CNBD1: variants seen among roughly 807,000 people sequenced by gnomAD.
The protein encoded by CNBD1 is cyclic nucleotide binding domain containing 1.
CNBD1 carries 71 observed loss-of-function variants against 54.4 expected under a neutral mutation model. That is an observed-to-expected ratio of 1.30 (90% CI 1.08 to 1.59). The LOEUF (loss-of-function observed/expected upper bound fraction) is 1.59, where lower values mean the gene tolerates loss of function less well. Ranked by LOEUF, CNBD1 falls within the 40% of genes most tolerant of loss-of-function variation. The pLI is 0.00. For missense variants in CNBD1, 659 were observed against 518.0 expected (o/e 1.27, Z -2.64); for synonymous variants, 182 against 170.7 (o/e 1.07, Z -0.51).
At chr8:86,902,326 T>A (rs1467322731) in intron 2 of CNBD1, among the ~76,000 whole-genome samples, 1 of 152,018 alleles carries the variant, frequency 6.6e-6, no homozygotes. Context: ...TCCATAGCAG[T>A]TATTAACATT....
chr8:86,954,383 G>A (rs1261597105), intron 4 of CNBD1, among the ~76,000 whole-genome samples: 1 of 152,052 alleles, frequency 6.6e-6, no homozygotes, highest in Non-Finnish European at 1.5e-5. Flanking sequence ...ACCTTGTTGT[G>A]TTTTTATTTT....
At chr8:87,119,851 G>C (rs747176540) in intron 4 of CNBD1, among the ~76,000 whole-genome samples, 1 of 151,766 alleles carries the variant, frequency 6.6e-6, no homozygotes, top group Admixed American at 6.6e-5. Context: ...TATGGTTTTT[G>C]TCCATTTTGT....
At chr8:87,094,485 A>T (rs1811279918) in intron 4 of CNBD1, among the ~76,000 whole-genome samples, 1 of 151,262 alleles carries the variant, frequency 6.6e-6, no homozygotes, top group African/African-American at 2.4e-5. Flanking sequence ...TAGCATATGA[A>T]CTAAAAAATA....
chr8:87,152,766 T>C (rs1437396650), intron 4 of CNBD1, among the ~76,000 whole-genome samples: 3 of 152,274 alleles, frequency 2.0e-5, no homozygotes, highest in African/African-American at 7.2e-5. Context: ...AGTAAAAATT[T>C]ATCAGTTTTA....
chr8:87,096,225 G>T (rs773950359), intron 4 of CNBD1, among the ~76,000 whole-genome samples: 21 of 152,120 alleles, frequency 1.4e-4, no homozygotes, highest in Non-Finnish European at 2.9e-4. Context: ...CTGGAGACTG[G>T]GAAGTTTAAG....
chr8:87,310,230 G>A (rs548202117), intron 8 of CNBD1, among the ~76,000 whole-genome samples: 20 of 152,098 alleles, frequency 1.3e-4, no homozygotes, highest in Admixed American at 2.6e-4. Flanking sequence ...GGTGGCACAT[G>A]CTATAGTCCC....
At chr8:86,996,013 C>A (rs567029427) in intron 4 of CNBD1, among the ~76,000 whole-genome samples, 1 of 152,240 alleles carries the variant, frequency 6.6e-6, no homozygotes, top group African/African-American at 2.4e-5. Flanking sequence ...ACTTATACCC[C>A]CAGTCTAATT....
At chr8:87,165,330 C>G (rs936252085) in intron 4 of CNBD1, among the ~76,000 whole-genome samples, 11 of 151,906 alleles carry the variant, frequency 7.2e-5, no homozygotes, top group Non-Finnish European at 1.5e-4. Flanking sequence ...CCTGAAAGAT[C>G]TATCTAATAG....
At chr8:87,035,949 G>A (rs1809930251) in intron 4 of CNBD1, among the ~76,000 whole-genome samples, 2 of 152,178 alleles carry the variant, frequency 1.3e-5, no homozygotes, top group South Asian at 4.1e-4. Context: ...TGCCTTTTAA[G>A]GAAGATGCTG....
chr8:86,890,687 A>G (rs968937246), intron 2 of CNBD1, among the ~76,000 whole-genome samples: 4 of 152,158 alleles, frequency 2.6e-5, no homozygotes, highest in South Asian at 4.1e-4. Flanking sequence ...TGGCTGTACT[A>G]TTTTACATTC....
Position 87,346,895 on chromosome 8 carries a change from T to A in CNBD1, c.1043-4790T>A, listed in dbSNP as rs1317753743. ...TTATTGCCTCACAGGTGGTATGGAC[T>A]CTAGCCCCAATATCATGAGTGAGAA... On this transcript the variant is annotated intron_variant, in intron 8 of 10. Coordinates refer to ENST00000518476, the MANE Select transcript of CNBD1 (RefSeq NM_173538.3). Among the ~76,000 whole-genome samples the A allele has an allele frequency of 4.6e-5, 7 of 152,202 alleles. No homozygotes were observed. In the East Asian group the frequency reaches 1.3e-3, roughly 29 times the overall value.
intron 8 of CNBD1, among the ~76,000 whole-genome samples, chr8:87,329,693 TC>T (rs2130908786): frequency 6.6e-6 from 1 of 152,166 alleles, no homozygotes; most frequent in East Asian, 1.9e-4. Flanking sequence ...AATTTGAAAT[TC>T]CATTTGTTTG....
intron 6 of CNBD1, among the ~76,000 whole-genome samples, chr8:87,256,014 TA>T (rs1163181182): frequency 7.0e-4 from 13 of 18,458 alleles, no homozygotes; most frequent in African/African-American, 2.4e-3. Context: ...TATATATATA[TA>T]TTTTTTTTTT....
intron 4 of CNBD1, among the ~76,000 whole-genome samples, chr8:87,191,508 T>C (rs1813609633): frequency 6.6e-6 from 1 of 152,182 alleles, no homozygotes; most frequent in South Asian, 2.1e-4. Flanking sequence ...CATTGCTCGA[T>C]GCAGTCAAGT....
chr8:87,329,801 A>G (rs970267763), intron 8 of CNBD1, among the ~76,000 whole-genome samples: 1 of 151,856 alleles, frequency 6.6e-6, no homozygotes, highest in African/African-American at 2.4e-5. Context: ...ATTTTTCTCT[A>G]TTCTTTTAGA....
intron 5 of CNBD1, among the ~76,000 whole-genome samples, chr8:87,213,213 T>G (rs1436426359): frequency 6.6e-6 from 1 of 151,518 alleles, no homozygotes; most frequent in Non-Finnish European, 1.5e-5. Context: ...TTGGTATGGA[T>G]GTAGAGAAGT....
intron 6 of CNBD1, among the ~76,000 whole-genome samples, chr8:87,274,988 A>C (rs1375866416): frequency 7.5e-6 from 1 of 133,974 alleles, no homozygotes; most frequent in Non-Finnish European, 1.6e-5. Flanking sequence ...AGCTTTCTAC[A>C]TATGGCTAGC....
At chr8:87,013,966 G>A (rs1173246350) in intron 4 of CNBD1, among the ~76,000 whole-genome samples, 1 of 150,212 alleles carries the variant, frequency 6.7e-6, no homozygotes, top group African/African-American at 2.4e-5. Context: ...AAATATAAAA[G>A]TCTAAAATAA....
chr8:87,179,396 A>G (rs1813264575), intron 4 of CNBD1, among the ~76,000 whole-genome samples: 2 of 152,164 alleles, frequency 1.3e-5, no homozygotes, highest in African/African-American at 4.8e-5. Context: ...TCTTGAAGGT[A>G]TTATTTTAAA....
Sources: gnomAD v4.1 joint callset for allele counts (sites outside exome capture counted in the v4.1 genomes callset) on GRCh38, gnomAD v4.1.1 for gene constraint, MANE v1.5 for transcripts, NCBI Gene and HGNC (gene_info 2026-07-23, HGNC 2026-07-21) for gene names.